NAALADL2: variants seen among roughly 807,000 people sequenced by gnomAD.
NAALADL2 encodes the protein N-acetylated alpha-linked acidic dipeptidase like 2, also known as inactive N-acetylated-alpha-linked acidic dipeptidase-like protein 2.
Under a neutral mutation model 87.2 loss-of-function variants are expected in NAALADL2, and 76 were observed. That is an observed-to-expected ratio of 0.87 (90% confidence interval 0.72 to 1.05). The LOEUF is 1.05. Among genes scored for constraint, NAALADL2 ranks in the 50% least tolerant of loss-of-function variants. The pLI, the probability that NAALADL2 is intolerant of heterozygous loss-of-function variation, is 0.00. For synonymous variants in NAALADL2, 354 were observed against 331.0 expected (o/e 1.07, Z -0.75); for missense variants, 1,089 against 945.8 (o/e 1.15, Z -1.99).
chr3:174,804,789 C>T (rs1228907221), intron 3 of NAALADL2, among the ~76,000 whole-genome samples: 2 of 152,062 alleles, frequency 1.3e-5, no homozygotes. Context: ...CTAAAATATT[C>T]CTGCTACCCT....
intron 1 of NAALADL2, among the ~76,000 whole-genome samples, chr3:175,071,040 A>G (rs1226473185): frequency 6.6e-6 from 1 of 152,054 alleles, no homozygotes; most frequent in Admixed American, 6.6e-5. Context: ...TCCTGTGCTG[A>G]GGACTTAGCT....
intron 1 of NAALADL2, among the ~76,000 whole-genome samples, chr3:174,917,622 AT>A (rs1734587216): frequency 1.3e-5 from 2 of 152,082 alleles, no homozygotes; most frequent in Non-Finnish European, 1.5e-5. Flanking sequence ...TTGTTTATTA[AT>A]TACCTGGAAA....
chr3:175,081,800 G>A (rs1717888985), intron 1 of NAALADL2, among the ~76,000 whole-genome samples: 1 of 152,126 alleles, frequency 6.6e-6, no homozygotes, highest in Non-Finnish European at 1.5e-5. Flanking sequence ...TTTCTTAACT[G>A]ATAGATTGTA....
chr3:174,932,571 G>A (rs1381905148), intron 1 of NAALADL2, among the ~76,000 whole-genome samples: 2 of 152,030 alleles, frequency 1.3e-5, no homozygotes, highest in African/African-American at 4.8e-5. Context: ...AATATTGATG[G>A]GTGAATTGCT....
At chr3:174,891,175 G>A (rs1024223693) in intron 1 of NAALADL2, among the ~76,000 whole-genome samples, 10 of 151,952 alleles carry the variant, frequency 6.6e-5, no homozygotes, top group South Asian at 2.1e-4. Context: ...GGAAACATTC[G>A]CTTATGTTAG....
intron 1 of NAALADL2, among the ~76,000 whole-genome samples, chr3:175,025,382 T>C (rs1752097717): frequency 6.6e-6 from 1 of 152,276 alleles, no homozygotes; most frequent in East Asian, 1.9e-4. Context: ...AAGTCAATCA[T>C]GTACAATTCC....
intron 5 of NAALADL2, among the ~76,000 whole-genome samples, chr3:175,339,477 C>A (rs918734604): frequency 4.6e-5 from 7 of 152,146 alleles, no homozygotes; most frequent in Admixed American, 2.6e-4. Flanking sequence ...ATACAAGTCT[C>A]ATCTCTTTAA....
At chr3:175,204,203 G>A (rs1187007112) in intron 2 of NAALADL2, among the ~76,000 whole-genome samples, 1 of 152,046 alleles carries the variant, frequency 6.6e-6, no homozygotes, top group East Asian at 1.9e-4. Flanking sequence ...TTAACAAAAT[G>A]CTAGCTAACC....
intron 2 of NAALADL2, among the ~76,000 whole-genome samples, chr3:174,700,119 A>T (rs1217311610): frequency 7.9e-5 from 12 of 151,908 alleles, no homozygotes; most frequent in South Asian, 2.1e-4. Flanking sequence ...TGAAAAAAAA[A>T]ATGTATTTGC....
intron 1 of NAALADL2, among the ~76,000 whole-genome samples, chr3:174,964,162 T>C (rs1329406392): frequency 6.6e-6 from 1 of 152,134 alleles, no homozygotes; most frequent in Non-Finnish European, 1.5e-5. Flanking sequence ...TTACAAAAAT[T>C]TCTAATGTAC....
chr3:174,691,964 C>A (rs1728621634), intron 2 of NAALADL2: 1 of 152,212 alleles, frequency 6.6e-6, no homozygotes, highest in African/African-American at 2.4e-5. Context: ...ACTTTTACCA[C>A]ATCTGCAGTT....
chr3:175,377,262 A>C (rs897689558), intron 5 of NAALADL2, among the ~76,000 whole-genome samples: 16 of 152,188 alleles, frequency 1.1e-4, no homozygotes, highest in African/African-American at 3.9e-4. Context: ...CAGTGAGCTA[A>C]GATCGTGCCA....
At chr3:175,767,190 G>C (rs1044586896) in intron 13 of NAALADL2, among the ~76,000 whole-genome samples, 9 of 151,684 alleles carry the variant, frequency 5.9e-5, no homozygotes, top group Admixed American at 5.3e-4. Flanking sequence ...AAAAACACAA[G>C]ACTACAGCAT....
At chr3:175,113,494 G>A (rs1015642518) in intron 2 of NAALADL2, among the ~76,000 whole-genome samples, 3 of 151,518 alleles carry the variant, frequency 2.0e-5, no homozygotes, top group Non-Finnish European at 3.0e-5. Flanking sequence ...TTCTATCAAT[G>A]TCTTTGAAAG....
chr3:175,115,122 C>T (rs992101469), intron 2 of NAALADL2: 14 of 151,544 alleles, frequency 9.2e-5, no homozygotes, highest in Non-Finnish European at 1.3e-4. Context: ...ATATTTTTTA[C>T]ATATTAGACT....
At chr3:175,033,402 A>C (rs1000605736) in intron 1 of NAALADL2, among the ~76,000 whole-genome samples, 1 of 151,936 alleles carries the variant, frequency 6.6e-6, no homozygotes. Flanking sequence ...GATATTTACT[A>C]TTCTGTTTTT....
intron 3 of NAALADL2, among the ~76,000 whole-genome samples, chr3:174,786,838 C>G (rs1399209912): frequency 6.6e-6 from 1 of 151,934 alleles, no homozygotes; most frequent in Non-Finnish European, 1.5e-5. Context: ...TCTTCTACCT[C>G]TAAGATGTAA....
intron 5 of NAALADL2, among the ~76,000 whole-genome samples, chr3:175,370,674 G>C (rs1286859212): frequency 1.3e-5 from 2 of 152,174 alleles, no homozygotes; most frequent in Non-Finnish European, 2.9e-5. Flanking sequence ...TAGGCAGGAT[G>C]TGGCTATTGT....
intron 11 of NAALADL2, among the ~76,000 whole-genome samples, chr3:175,709,042 G>C (rs2149994383): frequency 6.6e-6 from 1 of 152,034 alleles, no homozygotes; most frequent in South Asian, 2.1e-4. Flanking sequence ...TTGAGAGTTG[G>C]GTTCTTGGGG....
Sources: gnomAD v4.1 joint callset for allele counts (sites outside exome capture counted in the v4.1 genomes callset) on GRCh38, gnomAD v4.1.1 for gene constraint, MANE v1.5 for transcripts, NCBI Gene and HGNC (gene_info 2026-07-23, HGNC 2026-07-21) for gene names.